CNTRL: variants seen among roughly 807,000 people sequenced by gnomAD.
CNTRL encodes the protein centriolin.
CNTRL carries 233 observed loss-of-function variants against 303.7 expected under a neutral mutation model. The observed-to-expected ratio is 0.77, with a 90% CI of 0.69 to 0.86. The LOEUF (loss-of-function observed/expected upper bound fraction) is 0.86, where lower values mean the gene tolerates loss of function less well. Ranked by LOEUF, CNTRL falls within the 40% of genes least tolerant of loss-of-function variation. CNTRL has a pLI of 0.00. For synonymous variants in CNTRL, 900 were observed against 922.2 expected, an observed-to-expected ratio of 0.98 and a Z score of 0.44; for missense variants, 2,524 against 2,650.6, an observed-to-expected ratio of 0.95 and a Z score of 1.05.
Position 121,177,494 on chromosome 9 carries a change from G to GCA in CNTRL, c.*308_*309insCA. On this transcript the variant is annotated 3_prime_UTR_variant, in exon 44 of 44. Transcript: ENST00000373855. The stretch of plus-strand genomic sequence containing the variant: ...AACTGCATATTTGAACCTACAAACT[G>GCA]GTAAATCTTATTAACAAAAAGAATG... The GCA allele has an allele frequency of 3.2e-6, 1 of 310,288 alleles. No individual in the cohort carries two copies. The highest frequency in any genetic ancestry group is 2.1e-5 in the African/African-American group (1 of 46,664). The allele number at this position is 310,288 out of a possible 1,614,324, so 19.2% of individuals were successfully genotyped here.
intron 2 of CNTRL, among the ~76,000 whole-genome samples, chr9:121,087,392 G>A (rs1166751429): frequency 6.6e-6 from 1 of 152,040 alleles, no homozygotes; most frequent in Non-Finnish European, 1.5e-5. Flanking sequence ...ATTGGATTGA[G>A]GTTATAAATA....
chr9:121,122,997 G>A (rs10760149), intron 12 of CNTRL, among the ~76,000 whole-genome samples: 106,184 of 152,060 alleles, frequency 0.7, 37,571 homozygotes, highest in East Asian at 0.96. Context: ...GTTTGTTTGT[G>A]TAAGAGATTG....
chr9:121,112,694 G>C (rs2049801525), intron 9 of CNTRL, 116 bp downstream of exon 9: 1 of 1,063,516 alleles, frequency 9.4e-7, no homozygotes. Context: ...CCACTTTCTT[G>C]TTATGAGAGG....
At chr9:121,146,028 T>C (rs1343611617) in intron 22 of CNTRL, 80 bp from the exon 23 acceptor site, 34 of 1,265,246 alleles carry the variant, frequency 2.7e-5, no homozygotes, top group Non-Finnish European at 3.6e-5. Context: ...ATTAATTGGC[T>C]CTCTTAGAAT....
chr9:121,152,526 A>G lies in CNTRL; in HGVS notation c.4005A>G (p.Leu1335=). ...GATTAGAAGACATAATGCAGCATTT[A>G]AAATCAAAGAAGCGGGAAGAAAGGT... ...VSRLEDIMQH[L]KSKKREERWM... The change falls in exon 26 of 44, where the codon TTA becomes TTG. Residue 1335 remains leucine, a synonymous_variant. Transcript: ENST00000373855. 6.2e-7 allele frequency: 1 copy of G among 1,614,090 alleles called. No individual in the cohort carries two copies. The highest frequency in any genetic ancestry group is 8.5e-7 in the Non-Finnish European group (1 of 1,179,970).
chr9:121,136,365 A>G lies in CNTRL; in HGVS notation c.2202+383A>G, dbSNP rs141281056. 2.6e-5 allele frequency among the ~76,000 whole-genome samples: 4 copies of G among 152,186 alleles called. No homozygotes were observed. The East Asian group carries it at 7.7e-4, about 29-fold the overall frequency. Reference sequence around the variant, plus strand: ...TTGCTCTGTTGCTAGGCTGGAGTACAGTGGCATGATGACGGCTCACTGCAA... The same window carrying G: ...TTGCTCTGTTGCTAGGCTGGAGTACGGTGGCATGATGACGGCTCACTGCAA... On this transcript the variant is annotated intron_variant, in intron 15 of 43. Coordinates refer to ENST00000373855, the MANE Select transcript of CNTRL (RefSeq NM_007018.6).
rs749428418 is a variant in CNTRL, at chr9:121,173,667, T to A, written c.6685-8T>A. The A allele has an allele frequency of 6.2e-7, 1 of 1,613,948 alleles. No homozygotes were observed. ...ATTCATGATATCTCTATTTTCCCTC[T>A]GAGAAAGGATGAACACTGGCGTGGA... On this transcript the variant is annotated splice_region_variant and splice_polypyrimidine_tract_variant and intron_variant, in intron 41 of 43. Transcript: ENST00000373855.
intron 12 of CNTRL, among the ~76,000 whole-genome samples, chr9:121,123,170 C>T (rs2050326283): frequency 6.6e-6 from 1 of 151,700 alleles, no homozygotes; most frequent in African/African-American, 2.4e-5. Flanking sequence ...AGGAAAAAAT[C>T]CCCATGTAAT....
At chr9:121,151,173 C>T (rs2052220754) in intron 25 of CNTRL, among the ~76,000 whole-genome samples, 1 of 151,854 alleles carries the variant, frequency 6.6e-6, no homozygotes, top group Non-Finnish European at 1.5e-5. Flanking sequence ...TTATTGTACA[C>T]AATATTTTGT....
chr9:121,088,962 A>G (rs80337636), intron 3 of CNTRL, among the ~76,000 whole-genome samples: 1,877 of 152,346 alleles, frequency 0.012, 41 homozygotes, highest in African/African-American at 0.038. Flanking sequence ...ATTTCCACAT[A>G]TGGGACATGT....
intron 14 of CNTRL, among the ~76,000 whole-genome samples, chr9:121,133,909 C>T (rs2051028238): frequency 6.6e-6 from 1 of 152,282 alleles, no homozygotes; most frequent in Admixed American, 6.5e-5. Flanking sequence ...TGAACAAGGA[C>T]ATTTTCTAAC....
At chr9:121,151,476 C>T (rs2052255742) in intron 25 of CNTRL, among the ~76,000 whole-genome samples, 1 of 146,312 alleles carries the variant, frequency 6.8e-6, no homozygotes, top group Non-Finnish European at 1.5e-5. Flanking sequence ...CTGCAACCTC[C>T]GCCTCCCGGG....
Position 121,167,743 on chromosome 9 carries a change from C to T in CNTRL, c.5844+66C>T. 5 of 1,421,260 alleles carry T rather than the reference C, an allele frequency of 3.5e-6. No homozygotes were observed. The South Asian group carries it at 6.4e-5, about 18-fold the overall frequency. 88.0% of individuals were successfully genotyped at this position (1,421,260 alleles called of 1,614,324 possible). On this transcript the variant is annotated intron_variant, in intron 37 of 43. Transcript: ENST00000373855. Reference sequence around the variant, plus strand: ...TGGCTCATGTGAGCCTATTTTTCCCCTGGCAGAAAGCTGCTGAGAAATATC... The same window carrying T: ...TGGCTCATGTGAGCCTATTTTTCCCTTGGCAGAAAGCTGCTGAGAAATATC...
chr9:121,133,933 AATT>A (rs1305541283), intron 14 of CNTRL, among the ~76,000 whole-genome samples: 3 of 152,188 alleles, frequency 2.0e-5, no homozygotes, highest in Non-Finnish European at 4.4e-5. Context: ...AACACAGAAT[AATT>A]ATCAAATTTA....
rs1211048673 is a variant in CNTRL, at chr9:121,116,380, ATT to A, written c.1455+1184_1455+1185del. 3.4e-4 allele frequency among the ~76,000 whole-genome samples: 47 copies of A among 138,358 alleles called. No homozygotes were observed. The South Asian group carries it at 9.2e-3, about 27-fold the overall frequency. The allele number at this position is 138,358 out of a possible 152,430, so 90.8% of individuals were successfully genotyped here. A position where few individuals can be genotyped will look rare whatever the true frequency, so the allele number is the denominator to read the frequency against. On this transcript the variant is annotated intron_variant, in intron 11 of 43. Coordinates refer to ENST00000373855, the MANE Select transcript of CNTRL (RefSeq NM_007018.6). ...CTTCATAGGCATTTTTTTATTTTTT[ATT>A]TTTATTTTTTTGAGACAGGGCCTTG...
In CNTRL at chr9:121,154,925, T is replaced by C. The variant is rs1350294338; in HGVS notation, c.4365+12T>C. 2.5e-6 allele frequency: 4 copies of C among 1,613,502 alleles called. No individual in the cohort carries two copies. Among genetic ancestry groups the C allele is most frequent in the Non-Finnish European group, 2.5e-6 (3 of 1,179,472 alleles). Reference sequence around the variant, plus strand: ...GCACTAAAGAAAAGGTTTGTCTTCTTGTGGTTTGGGGTGTGAGCTCAGTGT... The same window carrying C: ...GCACTAAAGAAAAGGTTTGTCTTCTCGTGGTTTGGGGTGTGAGCTCAGTGT... On this transcript the variant is annotated intron_variant, in intron 27 of 43. Coordinates refer to ENST00000373855, the MANE Select transcript of CNTRL (RefSeq NM_007018.6).
chr9:121,147,813 C>T (rs2051969499), intron 23 of CNTRL, among the ~76,000 whole-genome samples: 1 of 152,116 alleles, frequency 6.6e-6, no homozygotes, highest in Non-Finnish European at 1.5e-5. Context: ...CCCAGCAATC[C>T]TAAAGGAAGC....
chr9:121,145,169 C>G (rs1341640084), intron 21 of CNTRL, 75 bp from the exon 22 acceptor site: 1 of 1,471,248 alleles, frequency 6.8e-7, no homozygotes, highest in African/African-American at 1.4e-5. Context: ...GAATCATAAT[C>G]AAGTTGAAAG....
Position 121,152,650 on chromosome 9 carries a change from G to A in CNTRL, c.4129G>A (p.Val1377Ile), listed in dbSNP as rs1268581404. 1.2e-6 allele frequency: 2 copies of A among 1,613,700 alleles called. No homozygotes were observed. The highest frequency in any genetic ancestry group is 2.7e-5 in the African/African-American group (2 of 74,918). The change falls in exon 26 of 44, where the codon GTA (valine) becomes ATA (isoleucine). Residue 1377 changes from valine (V) to isoleucine (I), a missense_variant. By Grantham distance (29) the Val-to-Ile change is conservative (BLOSUM62 3). Transcript: ENST00000373855. ...LQEKKSLECE[V>I]EELHRTVQKR... ...AGAGAAGAAAAGCTTAGAGTGTGAA[G>A]TAGAAGAATTACATAGAACTGTCCA...
Sources: gnomAD v4.1 joint callset for allele counts (sites outside exome capture counted in the v4.1 genomes callset) on GRCh38, gnomAD v4.1.1 for gene constraint, MANE v1.5 for transcripts, NCBI Gene and HGNC (gene_info 2026-07-23, HGNC 2026-07-21) for gene names.